ASXL2: variants seen among roughly 807,000 people sequenced by gnomAD.
The protein encoded by ASXL2 is putative Polycomb group protein ASXL2.
In ASXL2, 23 loss-of-function variants were observed where a neutral mutation model predicts 122.0. That is an observed-to-expected ratio of 0.19 (90% CI 0.14 to 0.27). The LOEUF (loss-of-function observed/expected upper bound fraction) is 0.27. ASXL2 is among the 10% of genes least tolerant of loss of function. The probability of loss-of-function intolerance (pLI) is 1.00; values close to 1 mark genes in which losing one functional copy is unlikely to be tolerated. For synonymous variants in ASXL2, 650 were observed against 637.0 expected, an observed-to-expected ratio of 1.02 and a Z score of -0.31; for missense variants, 1,518 against 1,713.8, an observed-to-expected ratio of 0.89 and a Z score of 2.02.
Position 25,742,163 on chromosome 2 carries a change from T to C in ASXL2, c.4174A>G (p.Ser1392Gly). 1.2e-6 allele frequency: 2 copies of C among 1,614,064 alleles called. No individual in the cohort carries two copies. Among genetic ancestry groups the C allele is most frequent in the East Asian group, 2.2e-5 (1 of 44,890 alleles). The change falls in exon 13 of 13, where the codon AGC becomes GGC. Residue 1392 changes from serine (S) to glycine (G), a missense_variant. Around this residue, in one of 8 missense-constraint regions of ASXL2, gnomAD observed 831 missense variants for 833.1 expected, o/e 1.00. Transcript: ENST00000435504. ...IPVQAFSEEN[S>G]IEGTPSKCYC... ...CATTTCGAAGGCGTGCCCTCTATGC[T>C]GTTCTCTTCGGAGAACGCCTGAACA... is the stretch of plus-strand genomic sequence containing the variant.
intron 4 of ASXL2, among the ~76,000 whole-genome samples, chr2:25,799,847 A>G (rs1056904531): frequency 2.6e-5 from 4 of 152,142 alleles, no homozygotes; most frequent in African/African-American, 7.2e-5. Flanking sequence ...TTTAAAAACT[A>G]CATAATAATT....
Position 25,741,671 on chromosome 2 carries a change from G to T in ASXL2, c.*358C>A, listed in dbSNP as rs2087829401. The T allele has an allele frequency of 3.8e-6, 1 of 260,132 alleles. No homozygotes were observed. Among genetic ancestry groups the T allele is most frequent in the Non-Finnish European group, 7.5e-6 (1 of 133,864 alleles). 16.1% of individuals were successfully genotyped at this position (260,132 alleles called of 1,614,324 possible). A position where few individuals can be genotyped will look rare whatever the true frequency, so the allele number is the denominator to read the frequency against. On this transcript the variant is annotated 3_prime_UTR_variant, in exon 13 of 13. Transcript: ENST00000435504. ...GAGACAGCTTCCTTTTACCATGCCG[G>T]CATTAAACTTTTCTCAGTCACAAGT...
At chr2:25,788,583 T>C (rs1194276308) in intron 5 of ASXL2, among the ~76,000 whole-genome samples, 2 of 152,192 alleles carry the variant, frequency 1.3e-5, no homozygotes, top group Non-Finnish European at 2.9e-5. Context: ...ATCCCGTTAT[T>C]TCACATGATC....
intron 3 of ASXL2, among the ~76,000 whole-genome samples, chr2:25,812,206 C>A (rs1246078396): frequency 5.3e-5 from 8 of 149,748 alleles, no homozygotes. Context: ...CGTCTATAAT[C>A]CCAGCACTTT....
chr2:25,878,068 G>C, intron 1 of ASXL2, 98 bp downstream of exon 1: 5 of 1,506,012 alleles, frequency 3.3e-6, no homozygotes, highest in Non-Finnish European at 9.2e-7. Context: ...TGCCCCTTCA[G>C]CCGGGTCCCT....
At chr2:25,830,353 C>A (rs911031282) in intron 3 of ASXL2, among the ~76,000 whole-genome samples, 4 of 152,102 alleles carry the variant, frequency 2.6e-5, no homozygotes, top group Admixed American at 2.6e-4. Flanking sequence ...CAGAGTAGGC[C>A]GAATGCAGCG....
rs1334255201 is a variant in ASXL2, at chr2:25,744,455, G to A, written c.1882C>T (p.Pro628Ser). 3 of 1,601,188 alleles carry A rather than the reference G, an allele frequency of 1.9e-6. No individual in the cohort carries two copies. The Admixed American group carries it at 5.3e-5, about 28-fold the overall frequency. ...ACCTGCGATGGATGAAACGGCATGG[G>A]GGAGATTCTGGAGACCGGGATCTGA... Reference protein sequence around the residue: ...PLKIPVSRISPMPFHPSQVSP... With the variant: ...PLKIPVSRISSMPFHPSQVSP... The change falls in exon 13 of 13, where the codon CCC becomes TCC. Residue 628 changes from proline to serine, a missense_variant. Pro to Ser is a moderately conservative substitution (Grantham distance 74). Transcript: ENST00000435504. The surrounding 1 kb of genome is among the most constrained non-coding windows in gnomAD (Gnocchi z 4.7).
chr2:25,783,014 A>G (rs1226721590), intron 5 of ASXL2, among the ~76,000 whole-genome samples: 1 of 152,164 alleles, frequency 6.6e-6, no homozygotes, highest in Admixed American at 6.5e-5. Flanking sequence ...CTGTAATCCC[A>G]GCCACTCGGC....
At chr2:25,768,028 A>C (rs2088383682) in intron 7 of ASXL2, among the ~76,000 whole-genome samples, 1 of 152,230 alleles carries the variant, frequency 6.6e-6, no homozygotes, top group Non-Finnish European at 1.5e-5. Context: ...TATGTAATAC[A>C]ATACAGAGTC....
Position 25,837,196 on chromosome 2 carries a change from A to G in ASXL2, c.141-1656T>C, listed in dbSNP as rs577692319. 2.2e-4 allele frequency among the ~76,000 whole-genome samples: 34 copies of G among 152,238 alleles called. No individual in the cohort carries two copies. The South Asian group carries it at 6.6e-3, about 30-fold the overall frequency. On this transcript the variant is annotated intron_variant, in intron 2 of 12. Coordinates refer to ENST00000435504, the MANE Select transcript of ASXL2 (RefSeq NM_018263.6). ...ATCTGTAAACACTAATGGCAGCCAC[A>G]GCTGATGGAAGGGAAAAACCTATTG...
Position 25,861,442 on chromosome 2 carries a change from T to C in ASXL2, c.58-15879A>G, listed in dbSNP as rs74883525. On this transcript the variant is annotated intron_variant, in intron 1 of 12. Coordinates refer to ENST00000435504, the MANE Select transcript of ASXL2 (RefSeq NM_018263.6). ...AAAACAGATAATCTGAATAGGCCTA[T>C]CATCTATCAAAGAAACTGAATTAAT... is the stretch of plus-strand genomic sequence containing the variant. Among the ~76,000 whole-genome samples the C allele has an allele frequency of 8.3e-3, 1,264 of 152,318 alleles. 11 individuals carry two copies. Among genetic ancestry groups the C allele is most frequent in the African/African-American group, 0.03 (1,231 of 41,570 alleles).
At chr2:25,822,565 T>C (rs1449991425) in intron 3 of ASXL2, 3 of 505,430 alleles carry the variant, frequency 5.9e-6, no homozygotes, top group Non-Finnish European at 1.1e-5. Context: ...TTTTGAAAAA[T>C]CCAAACTTAA....
At chr2:25,831,687 T>TAAAAAG (rs1427667123) in intron 3 of ASXL2, among the ~76,000 whole-genome samples, 1 of 151,758 alleles carries the variant, frequency 6.6e-6, no homozygotes, top group South Asian at 2.1e-4. Context: ...TAACAGGATT[T>TAAAAAG]AAAAAGAAAA....
rs774880259 is a variant in ASXL2, at chr2:25,734,101, GTTT to G, written c.*7925_*7927del. ...TAGGTCAAAGCACTTACAGCTAAGT[GTTT>G]TTTTTTCTTTCAAATTTCTAGAGTT... On this transcript the variant is annotated 3_prime_UTR_variant, in exon 13 of 13. Coordinates refer to ENST00000435504, the MANE Select transcript of ASXL2 (RefSeq NM_018263.6). 2 of 149,092 alleles carry G rather than the reference GTTT, an allele frequency of 1.3e-5. No homozygotes were observed. Among genetic ancestry groups the G allele is most frequent in the Non-Finnish European group, 3.0e-5 (2 of 67,108 alleles). The allele number at this position is 149,092 out of a possible 1,614,324, so 9.2% of individuals were successfully genotyped here.
intron 3 of ASXL2, among the ~76,000 whole-genome samples, chr2:25,807,412 C>G (rs1014128844): frequency 6.6e-6 from 1 of 152,086 alleles, no homozygotes; most frequent in South Asian, 2.1e-4. Context: ...GGTTTTCATC[C>G]CCCCAAAACA....
intron 3 of ASXL2, among the ~76,000 whole-genome samples, chr2:25,821,903 T>C (rs1172067001): frequency 6.6e-6 from 1 of 152,182 alleles, no homozygotes; most frequent in African/African-American, 2.4e-5. Flanking sequence ...GGATTCAATA[T>C]GGCACAAACT....
At position 25,799,413 on chromosome 2, in the gene ASXL2, C is replaced by G. The variant is rs374285356; in HGVS notation, c.375G>C (p.Glu125Asp). 29 of 1,613,790 alleles carry G rather than the reference C, an allele frequency of 1.8e-5. No individual in the cohort carries two copies. In the African/African-American group the frequency reaches 3.6e-4, roughly 20 times the overall value. ...TCCTTTTCCACCTGCTCTTTTTTCC[C>G]TCCTTGTTGCTGCCACCATCACTGC... Reference protein sequence around the residue: ...SSSSDGGSNKEGKKSRWKRKV... With the variant: ...SSSSDGGSNKDGKKSRWKRKV... Residue 125 changes from glutamate to aspartate, a missense_variant, in exon 5 of 13, where the codon GAG becomes GAC. Around this residue, in one of 8 missense-constraint regions of ASXL2, gnomAD observed 198 missense variants for 209.0 expected, o/e 0.95. Coordinates refer to ENST00000435504, the MANE Select transcript of ASXL2 (RefSeq NM_018263.6).
In ASXL2 at chr2:25,756,119, G is replaced by C; in HGVS notation, c.940-5C>G. The C allele has an allele frequency of 6.4e-7, 1 of 1,571,664 alleles. No individual in the cohort carries two copies. Among genetic ancestry groups the C allele is most frequent in the South Asian group, 1.2e-5 (1 of 85,456 alleles). ...CATTAAACCATCTGGACCAACCTGG[G>C]TCAAAGAATAAGCCAAGGAAAGCTT... On this transcript the variant is annotated splice_region_variant and splice_polypyrimidine_tract_variant and intron_variant, in intron 9 of 12. Transcript: ENST00000435504.
intron 2 of ASXL2, among the ~76,000 whole-genome samples, chr2:25,839,693 G>A (rs1487167006): frequency 6.7e-6 from 1 of 148,150 alleles, no homozygotes; most frequent in African/African-American, 2.5e-5. Context: ...CACGATCACG[G>A]CTCATTGCAG....
Sources: allele counts gnomAD v4.1 joint callset (sites outside exome capture counted in the v4.1 genomes callset), GRCh38; gene constraint gnomAD v4.1.1; regional missense constraint gnomAD v4.1.1; non-coding constraint Gnocchi (gnomAD v3.1); transcripts MANE v1.5; gene names NCBI Gene and HGNC (gene_info 2026-07-23, HGNC 2026-07-21).